Variants in EPB41L5 observed in about 807,000 individuals in gnomAD.
The protein encoded by EPB41L5 is band 4.1-like protein 5.
EPB41L5 carries 55 observed loss-of-function variants against 106.6 expected under a neutral mutation model. That is an observed-to-expected ratio of 0.52 (90% confidence interval 0.42 to 0.65). EPB41L5 has a LOEUF of 0.65. Ranked by LOEUF, EPB41L5 falls within the 30% of genes least tolerant of loss-of-function variation. EPB41L5 has a pLI of 0.00. For synonymous variants in EPB41L5, 297 were observed against 306.7 expected, an observed-to-expected ratio of 0.97 and a Z score of 0.33; for missense variants, 871 against 882.1, an observed-to-expected ratio of 0.99 and a Z score of 0.16.
At chr2:120,167,384 AATAG>A in intron 22 of EPB41L5, 78 bp from the exon 23 acceptor site, 1 of 1,198,784 alleles carries the variant, frequency 8.3e-7, no homozygotes, top group Non-Finnish European at 1.2e-6. Flanking sequence ...TGGATTTCAT[AATAG>A]ATGTAAGTAA....
intron 18 of EPB41L5, among the ~76,000 whole-genome samples, chr2:120,142,467 G>A (rs563393947): frequency 5.9e-5 from 9 of 152,274 alleles, no homozygotes; most frequent in East Asian, 1.9e-4. Context: ...TGCATTCAGC[G>A]AGGACAGTGG....
intron 3 of EPB41L5, among the ~76,000 whole-genome samples, chr2:120,070,073 G>C (rs2105309059): frequency 6.6e-6 from 1 of 152,042 alleles, no homozygotes; most frequent in South Asian, 2.1e-4. Flanking sequence ...TAACAAAATA[G>C]ATAGACCACT....
intron 20 of EPB41L5, among the ~76,000 whole-genome samples, chr2:120,155,404 C>G (rs183204061): frequency 1.7e-4 from 26 of 152,238 alleles, no homozygotes; most frequent in Admixed American, 9.8e-4. Flanking sequence ...CATGATGAGT[C>G]GTTTCTGTCT....
intron 3 of EPB41L5, among the ~76,000 whole-genome samples, chr2:120,061,177 A>ACT (rs1160858736): frequency 6.7e-6 from 1 of 149,814 alleles, no homozygotes; most frequent in African/African-American, 2.4e-5. Context: ...AGTAGCCAGG[A>ACT]CTACAGGCAC....
At chr2:120,162,069 A>G (rs547690803) in intron 21 of EPB41L5, among the ~76,000 whole-genome samples, 2 of 152,198 alleles carry the variant, frequency 1.3e-5, no homozygotes, top group East Asian at 1.9e-4. Flanking sequence ...CCTTCAAGCA[A>G]TTCTACTACC....
intron 20 of EPB41L5, 84 bp downstream of exon 20, chr2:120,146,373 T>G: frequency 1.0e-6 from 1 of 977,150 alleles, no homozygotes. Flanking sequence ...ACCACATGGT[T>G]TCAGGATGTC....
chr2:120,073,887 T>C (rs770474366), intron 4 of EPB41L5, among the ~76,000 whole-genome samples: 6 of 152,170 alleles, frequency 3.9e-5, no homozygotes, highest in Non-Finnish European at 7.4e-5. Context: ...AATTAATCTA[T>C]AGCTGTCTAT....
chr2:120,161,283 CAGA>C (rs1192950023), intron 21 of EPB41L5, among the ~76,000 whole-genome samples: 1 of 150,728 alleles, frequency 6.6e-6, no homozygotes, highest in African/African-American at 2.4e-5. Flanking sequence ...GAGGCTGAGA[CAGA>C]AGGATTGCTT....
intron 3 of EPB41L5, among the ~76,000 whole-genome samples, chr2:120,060,506 A>C (rs180686517): frequency 9.2e-5 from 14 of 152,344 alleles, no homozygotes; most frequent in African/African-American, 3.1e-4. Flanking sequence ...AAATAAAGCC[A>C]GTATCAAAAG....
At chr2:120,045,348 C>T (rs1245383053) in intron 3 of EPB41L5, among the ~76,000 whole-genome samples, 1 of 152,080 alleles carries the variant, frequency 6.6e-6, no homozygotes, top group African/African-American at 2.4e-5. Context: ...CGTTCATGTA[C>T]ACATATTTAA....
At chr2:120,105,150 T>C in intron 16 of EPB41L5, 1 of 977,694 alleles carries the variant, frequency 1.0e-6, no homozygotes, top group Non-Finnish European at 1.2e-6. Context: ...TTTTTGATCC[T>C]TTTTAAACTT....
intron 18 of EPB41L5, among the ~76,000 whole-genome samples, chr2:120,135,695 A>G (rs1685893963): frequency 6.6e-6 from 1 of 152,166 alleles, no homozygotes; most frequent in African/African-American, 2.4e-5. Context: ...GAGTGGCATG[A>G]CATATTTAAA....
chr2:120,092,425 G>A (rs1683484144), intron 13 of EPB41L5, among the ~76,000 whole-genome samples: 1 of 152,022 alleles, frequency 6.6e-6, no homozygotes, highest in Non-Finnish European at 1.5e-5. Flanking sequence ...ATTCATCATT[G>A]TTATACATAG....
At chr2:120,041,590 T>C (rs1261675763) in intron 2 of EPB41L5, among the ~76,000 whole-genome samples, 1 of 152,190 alleles carries the variant, frequency 6.6e-6, no homozygotes, top group Non-Finnish European at 1.5e-5. Context: ...TTCTCTAAAA[T>C]CTGTTTGCAA....
At chr2:120,053,812 A>T (rs1438693674) in intron 3 of EPB41L5, among the ~76,000 whole-genome samples, 1 of 152,184 alleles carries the variant, frequency 6.6e-6, no homozygotes, top group East Asian at 1.9e-4. Context: ...CTGTAATCCA[A>T]ACACTTGGGG....
At chr2:120,059,672 G>GC (rs2105276373) in intron 3 of EPB41L5, among the ~76,000 whole-genome samples, 1 of 152,202 alleles carries the variant, frequency 6.6e-6, no homozygotes, top group South Asian at 2.1e-4. Context: ...GGAGGCCAAG[G>GC]CAAGAGGATC....
At chr2:120,035,957 T>A (rs1384134193) in intron 2 of EPB41L5, among the ~76,000 whole-genome samples, 5 of 152,128 alleles carry the variant, frequency 3.3e-5, no homozygotes, top group Admixed American at 1.3e-4. Flanking sequence ...GGCTGCAGTC[T>A]GGTTTAGGGG....
At chr2:120,089,791 T>G (rs958824) in intron 11 of EPB41L5, among the ~76,000 whole-genome samples, 151,590 of 152,156 alleles carry the variant, frequency 1, 75,515 homozygotes, top group Middle Eastern at 1. Flanking sequence ...AAGACTAATG[T>G]TTAAGTTCAT....
intron 24 of EPB41L5, among the ~76,000 whole-genome samples, chr2:120,170,496 G>A (rs1005278288): frequency 6.6e-6 from 1 of 152,234 alleles, no homozygotes; most frequent in South Asian, 2.1e-4. Context: ...GTTCCTAGCT[G>A]GTGATTGCCA....
Sources: gnomAD v4.1 joint callset for allele counts (sites outside exome capture counted in the v4.1 genomes callset) on GRCh38, gnomAD v4.1.1 for gene constraint, MANE v1.5 for transcripts, NCBI Gene and HGNC (gene_info 2026-07-23, HGNC 2026-07-21) for gene names.